Variants in BAG2 observed in about 807,000 individuals in gnomAD.
BAG2 encodes the protein BAG cochaperone 2.
In BAG2, 8 loss-of-function variants were observed where a neutral mutation model predicts 16.4. The observed-to-expected ratio is 0.49, with a 90% CI of 0.29 to 0.88. BAG2 has a LOEUF of 0.88. Ranked by LOEUF, BAG2 falls within the 40% of genes least tolerant of loss-of-function variation. The probability of loss-of-function intolerance (pLI) is 0.09; values close to 1 mark genes in which losing one functional copy is unlikely to be tolerated. For missense variants in BAG2, 218 were observed against 248.9 expected (o/e 0.88, Z 0.84); for synonymous variants, 82 against 89.2 (o/e 0.92, Z 0.46).
chr6:57,173,459 T>A lies in BAG2; in HGVS notation c.113+649T>A, dbSNP rs1282339250. On this transcript the variant is annotated intron_variant, in intron 1 of 2. Coordinates refer to ENST00000370693, the MANE Select transcript of BAG2 (RefSeq NM_004282.4). ...GGGATTCAGCGGTTCCGTTCGTCTC[T>A]CGGTATTTATTGGGCACCTCCCTAC... 4 of 985,284 alleles carry A rather than the reference T, an allele frequency of 4.1e-6. No homozygotes were observed. The East Asian group carries it at 4.5e-4, about 112-fold the overall frequency. 61.0% of individuals were successfully genotyped at this position (985,284 alleles called of 1,614,324 possible). A position where few individuals can be genotyped will look rare whatever the true frequency, so the allele number is the denominator to read the frequency against.
In BAG2 at chr6:57,172,544, G is replaced by T. The variant is rs995294966; in HGVS notation, c.-154G>T. Reference sequence around the variant, plus strand: ...CCTTCTTTGGCTACGCTGCAGCCGCGGTGTCGGCGAGTCCTCCCGGGTTGC... The same window carrying T: ...CCTTCTTTGGCTACGCTGCAGCCGCTGTGTCGGCGAGTCCTCCCGGGTTGC... On this transcript the variant is annotated 5_prime_UTR_variant, in exon 1 of 3. Transcript: ENST00000370693. 1.1e-5 allele frequency: 6 copies of T among 543,882 alleles called. No homozygotes were observed. Among genetic ancestry groups the T allele is most frequent in the Non-Finnish European group, 1.8e-5 (6 of 328,642 alleles). 33.7% of individuals were successfully genotyped at this position (543,882 alleles called of 1,614,324 possible).
At chr6:57,179,318 C>T (rs191039733) in intron 1 of BAG2, among the ~76,000 whole-genome samples, 58 of 152,266 alleles carry the variant, frequency 3.8e-4, no homozygotes, top group East Asian at 1.2e-3. Context: ...TTGTCACATG[C>T]GATTCTTCCC....
At chr6:57,173,346 G>C (rs1317129637) in intron 1 of BAG2, 1 of 985,300 alleles carries the variant, frequency 1.0e-6, no homozygotes, top group East Asian at 1.1e-4. Flanking sequence ...GCAAAGATTA[G>C]ACAGGAGTGA....
chr6:57,177,442 T>G (rs1764312703), intron 1 of BAG2, among the ~76,000 whole-genome samples: 1 of 152,116 alleles, frequency 6.6e-6, no homozygotes, highest in Non-Finnish European at 1.5e-5. Context: ...TTTTAGAAAT[T>G]ATTTCTTTCA....
At chr6:57,176,325 C>T (rs1451311062) in intron 1 of BAG2, among the ~76,000 whole-genome samples, 2 of 152,116 alleles carry the variant, frequency 1.3e-5, no homozygotes, top group Non-Finnish European at 2.9e-5. Flanking sequence ...TCTCCAGGCT[C>T]TAATACTTTA....
At chr6:57,179,598 A>G (rs994978057) in intron 1 of BAG2, among the ~76,000 whole-genome samples, 2 of 152,196 alleles carry the variant, frequency 1.3e-5, no homozygotes, top group African/African-American at 4.8e-5. Context: ...TTGTATTTCT[A>G]AGACCATCCA....
At chr6:57,182,243 C>T in intron 2 of BAG2, 102 bp downstream of exon 2, 1 of 822,868 alleles carries the variant, frequency 1.2e-6, no homozygotes, top group Non-Finnish European at 1.9e-6. Flanking sequence ...ATGCGTACAC[C>T]AGGCCACAGC....
chr6:57,177,795 T>C (rs1764325789), intron 1 of BAG2, among the ~76,000 whole-genome samples: 1 of 152,180 alleles, frequency 6.6e-6, no homozygotes, highest in African/African-American at 2.4e-5. Context: ...TTAGCTGACA[T>C]ATTAATAGTA....
chr6:57,174,683 A>G (rs1248730928), intron 1 of BAG2, among the ~76,000 whole-genome samples: 1 of 152,232 alleles, frequency 6.6e-6, no homozygotes, highest in Non-Finnish European at 1.5e-5. Context: ...GTAAGCAAAA[A>G]TAGAGAAAAA....
rs1764640382 is a variant in BAG2 at position 57,187,343 on chromosome 6, T to C, written c.*3153T>C. 1 of 152,190 alleles carries C rather than the reference T, an allele frequency of 6.6e-6. No individual in the cohort carries two copies. Among genetic ancestry groups the C allele is most frequent in the Non-Finnish European group, 1.5e-5 (1 of 68,028 alleles). The allele number at this position is 152,190 out of a possible 1,614,324, so 9.4% of individuals were successfully genotyped here. A position where few individuals can be genotyped will look rare whatever the true frequency, so the allele number is the denominator to read the frequency against. On this transcript the variant is annotated 3_prime_UTR_variant, in exon 3 of 3. Coordinates refer to ENST00000370693, the MANE Select transcript of BAG2 (RefSeq NM_004282.4). ...GGATATTTCAGAGTCTACTGCGGGT[T>C]TTAAATATTTTGTTAGCAAATGAAT...
Position 57,183,897 on chromosome 6 carries a change from A to G in BAG2, c.343A>G (p.Arg115Gly), listed in dbSNP as rs1764546504. 7 of 1,614,154 alleles carry G rather than the reference A, an allele frequency of 4.3e-6. No homozygotes were observed. Among genetic ancestry groups the G allele is most frequent in the South Asian group, 3.3e-5 (3 of 91,060 alleles). Residue 115 changes from arginine to glycine, a missense_variant, in exon 3 of 3, where the codon AGG becomes GGG. Coordinates refer to ENST00000370693, the MANE Select transcript of BAG2 (RefSeq NM_004282.4). ...GCAAGAATCCCTAAAGCATGCCACA[A>G]GGATTATTGATGAGGTGGTCAATAA... ...QQQESLKHAT[R>G]IIDEVVNKFL...
chr6:57,179,360 C>A (rs1764374209), intron 1 of BAG2, among the ~76,000 whole-genome samples: 1 of 152,154 alleles, frequency 6.6e-6, no homozygotes, highest in African/African-American at 2.4e-5. Context: ...CTTATAAACA[C>A]ACTTTGACAT....
In BAG2 at chr6:57,182,142, G is replaced by C. The variant is rs932380077; in HGVS notation, c.223+1G>C. ...CAGGACATGAGGCAGATCAGTGACGGTGAGAGCCATCTCCACAGAAGGGGC... is the reference window on the plus strand; with the variant it reads ...CAGGACATGAGGCAGATCAGTGACGCTGAGAGCCATCTCCACAGAAGGGGC... On this transcript the variant is annotated splice_donor_variant, in intron 2 of 2. Coordinates refer to ENST00000370693, the MANE Select transcript of BAG2 (RefSeq NM_004282.4). LOFTEE classifies it high-confidence loss of function. The C allele has an allele frequency of 6.2e-7, 1 of 1,612,406 alleles. No individual in the cohort carries two copies. The highest frequency in any genetic ancestry group is 1.7e-5 in the Admixed American group (1 of 59,932).
In BAG2 at chr6:57,186,859, G is replaced by C. The variant is rs915934432; in HGVS notation, c.*2669G>C. On this transcript the variant is annotated 3_prime_UTR_variant, in exon 3 of 3. Transcript: ENST00000370693. ...TTGTTAGCACTACTTTCAATAAAAT[G>C]AGAGTATTAAATATTGGCAGAGTAT... 1 of 152,118 alleles carries C rather than the reference G, an allele frequency of 6.6e-6. No individual in the cohort carries two copies. Among genetic ancestry groups the C allele is most frequent in the Non-Finnish European group, 1.5e-5 (1 of 68,016 alleles). 9.4% of individuals were successfully genotyped at this position (152,118 alleles called of 1,614,324 possible). A position where few individuals can be genotyped will look rare whatever the true frequency, so the allele number is the denominator to read the frequency against.
rs1395821011 is a variant in BAG2 at position 57,186,941 on chromosome 6, T to G, written c.*2751T>G. 6.6e-6 allele frequency: 1 copy of G among 152,026 alleles called. No individual in the cohort carries two copies. Among genetic ancestry groups the G allele is most frequent in the South Asian group, 2.1e-4 (1 of 4,814 alleles). The allele number at this position is 152,026 out of a possible 1,614,324, so 9.4% of individuals were successfully genotyped here. A position where few individuals can be genotyped will look rare whatever the true frequency, so the allele number is the denominator to read the frequency against. On this transcript the variant is annotated 3_prime_UTR_variant, in exon 3 of 3. Coordinates refer to ENST00000370693, the MANE Select transcript of BAG2 (RefSeq NM_004282.4). Reference sequence around the variant, plus strand: ...ATCTTTAAAGAAGTTGCATTATATATTTTACTATTTAGATCCACACTGTTG... The same window carrying G: ...ATCTTTAAAGAAGTTGCATTATATAGTTTACTATTTAGATCCACACTGTTG...
chr6:57,179,052 A>G (rs1764364959), intron 1 of BAG2, among the ~76,000 whole-genome samples: 2 of 152,206 alleles, frequency 1.3e-5, no homozygotes, highest in South Asian at 4.1e-4. Flanking sequence ...TTCTTTCAGC[A>G]TCTTCTCATT....
At position 57,184,022 on chromosome 6, in the gene BAG2, A is replaced by G. The variant is rs2127993637; in HGVS notation, c.468A>G (p.Gln156=). The G allele has an allele frequency of 2.5e-6, 4 of 1,613,296 alleles. No homozygotes were observed. Among genetic ancestry groups the G allele is most frequent in the Non-Finnish European group, 3.4e-6 (4 of 1,179,844 alleles). Residue 156 remains glutamine, a synonymous_variant, in exon 3 of 3, where the codon CAA becomes CAG. Coordinates refer to ENST00000370693, the MANE Select transcript of BAG2 (RefSeq NM_004282.4). ...VPHGPVDQKF[Q]SIVIGCALED... is the part of the protein sequence containing the mutation. ...ATGGGCCAGTTGATCAGAAGTTTCA[A>G]TCCATAGTAATTGGCTGTGCTCTTG...
At chr6:57,182,794 G>A (rs1021032797) in intron 2 of BAG2, among the ~76,000 whole-genome samples, 4 of 152,096 alleles carry the variant, frequency 2.6e-5, no homozygotes, top group African/African-American at 9.7e-5. Context: ...GGGATTACAG[G>A]CACGTGCCAC....
intron 1 of BAG2, among the ~76,000 whole-genome samples, chr6:57,179,808 G>T (rs1764387326): frequency 1.3e-5 from 2 of 152,062 alleles, no homozygotes; most frequent in South Asian, 4.1e-4. Flanking sequence ...GTGCATGTGT[G>T]TGCAATTGAG....
Sources: gnomAD v4.1 joint callset for allele counts (sites outside exome capture counted in the v4.1 genomes callset) on GRCh38, gnomAD v4.1.1 for gene constraint, MANE v1.5 for transcripts, NCBI Gene and HGNC (gene_info 2026-07-23, HGNC 2026-07-21) for gene names.